Variants in ANKS1B observed in about 807,000 individuals in gnomAD.
ANKS1B encodes ankyrin repeat and sterile alpha motif domain containing 1B.
Under a neutral mutation model 148.3 loss-of-function variants are expected in ANKS1B, and 36 were observed. That is an observed-to-expected ratio of 0.24 (90% confidence interval 0.19 to 0.32). ANKS1B has a LOEUF of 0.32. Among genes scored for constraint, ANKS1B ranks in the 10% least tolerant of loss-of-function variants. ANKS1B has a pLI of 1.00. For missense variants in ANKS1B, 1,157 were observed against 1,542.6 expected, an observed-to-expected ratio of 0.75 and a Z score of 4.19; for synonymous variants, 542 against 560.8, an observed-to-expected ratio of 0.97 and a Z score of 0.47.
In ANKS1B at chr12:99,447,673, G is replaced by A. The variant is rs187850980; in HGVS notation, c.1439-3864C>T. ...TGAAGAGAGTGAAGAAACAATTTAT[G>A]AAATAGGAGAAAATATTTGTAAACA... is the stretch of plus-strand genomic sequence containing the variant. On this transcript the variant is annotated intron_variant, in intron 10 of 26. Transcript: ENST00000683438. Among the ~76,000 whole-genome samples, 1,168 of 152,120 alleles carry A rather than the reference G, an allele frequency of 7.7e-3. 10 individuals are homozygous for A. The highest frequency in any genetic ancestry group is 9.6e-3 in the Non-Finnish European group (654 of 67,946).
chr12:99,508,419 T>G (rs2096733218), intron 9 of ANKS1B, among the ~76,000 whole-genome samples: 1 of 151,790 alleles, frequency 6.6e-6, no homozygotes, highest in African/African-American at 2.4e-5. Flanking sequence ...CCCTGTAGAT[T>G]CTATAGAATC....
chr12:99,773,299 C>A (rs2063362096), intron 7 of ANKS1B, among the ~76,000 whole-genome samples: 1 of 151,998 alleles, frequency 6.6e-6, no homozygotes, highest in Non-Finnish European at 1.5e-5. Flanking sequence ...TATTTTTATT[C>A]TTTTTCAAAA....
intron 8 of ANKS1B, among the ~76,000 whole-genome samples, chr12:99,699,104 C>A (rs961721592): frequency 2.0e-5 from 3 of 152,144 alleles, no homozygotes; most frequent in African/African-American, 4.8e-5. Context: ...AGGCAGTGTG[C>A]CAGTGAGTCT....
At chr12:99,941,561 A>G (rs2094919867) in intron 1 of ANKS1B, among the ~76,000 whole-genome samples, 1 of 152,152 alleles carries the variant, frequency 6.6e-6, no homozygotes, top group Non-Finnish European at 1.5e-5. Context: ...CAACTACTAC[A>G]TATCTACCAG....
intron 16 of ANKS1B, among the ~76,000 whole-genome samples, chr12:99,082,798 A>G (rs1443265137): frequency 1.3e-5 from 2 of 152,156 alleles, no homozygotes; most frequent in African/African-American, 4.8e-5. Context: ...ATATGATAAT[A>G]TCTGAGTTGA....
intron 12 of ANKS1B, among the ~76,000 whole-genome samples, chr12:99,349,428 C>A (rs1409416956): frequency 1.3e-5 from 2 of 151,844 alleles, no homozygotes; most frequent in African/African-American, 4.8e-5. Context: ...ATACTGTCTA[C>A]ATGAGACTCA....
intron 15 of ANKS1B, among the ~76,000 whole-genome samples, chr12:99,085,702 T>C (rs1292139747): frequency 6.6e-6 from 1 of 152,200 alleles, no homozygotes; most frequent in Non-Finnish European, 1.5e-5. Flanking sequence ...AATGAGATCA[T>C]GTCATTTGCA....
chr12:98,829,060 G>A lies in ANKS1B; in HGVS notation c.3066+114C>T. On this transcript the variant is annotated intron_variant, in intron 19 of 26. Transcript: ENST00000683438. The surrounding 1 kb of genome is among the most constrained non-coding windows in gnomAD (Gnocchi z 5.2). The stretch of plus-strand genomic sequence containing the variant: ...GGAATGAAAGGCGGGGCATAACATG[G>A]TATAAATTCTAGTTAGGCACGGACA... 5 of 1,196,984 alleles carry A rather than the reference G, an allele frequency of 4.2e-6. No individual in the cohort carries two copies. Among genetic ancestry groups the A allele is most frequent in the Admixed American group, 2.0e-5 (1 of 49,546 alleles). The allele number at this position is 1,196,984 out of a possible 1,614,324, so 74.1% of individuals were successfully genotyped here. A position where few individuals can be genotyped will look rare whatever the true frequency, so the allele number is the denominator to read the frequency against.
intron 9 of ANKS1B, among the ~76,000 whole-genome samples, chr12:99,608,330 A>C (rs981255731): frequency 6.6e-6 from 1 of 152,010 alleles, no homozygotes; most frequent in Non-Finnish European, 1.5e-5. Context: ...CCTTTGACCA[A>C]CTTAGCCAAT....
At chr12:99,779,412 C>T (rs1055908263) in intron 6 of ANKS1B, among the ~76,000 whole-genome samples, 3 of 152,182 alleles carry the variant, frequency 2.0e-5, no homozygotes, top group Non-Finnish European at 4.4e-5. Flanking sequence ...CAAATCAAAT[C>T]TCTCAGAGCC....
intron 25 of ANKS1B, among the ~76,000 whole-genome samples, chr12:98,752,900 A>T (rs189667024): frequency 1.8e-4 from 27 of 152,280 alleles, no homozygotes; most frequent in African/African-American, 6.3e-4. Context: ...GATTCAGTGA[A>T]CATCTACGAA....
intron 4 of ANKS1B, among the ~76,000 whole-genome samples, chr12:99,788,357 T>C (rs2065226694): frequency 6.6e-6 from 1 of 152,176 alleles, no homozygotes; most frequent in African/African-American, 2.4e-5. Context: ...CATTTCTAGA[T>C]GTACCTTGGG....
intron 12 of ANKS1B, among the ~76,000 whole-genome samples, chr12:99,277,457 G>T (rs964545317): frequency 2.6e-5 from 4 of 152,160 alleles, no homozygotes; most frequent in African/African-American, 4.8e-5. Context: ...AAAAGGGTCT[G>T]TGAAAATTAA....
intron 15 of ANKS1B, among the ~76,000 whole-genome samples, chr12:99,130,094 A>T (rs909824211): frequency 6.6e-5 from 10 of 152,144 alleles, no homozygotes; most frequent in African/African-American, 1.9e-4. Flanking sequence ...GTCTAGTTTT[A>T]CCAATGCTAT....
chr12:99,931,499 T>C (rs2094614044), intron 1 of ANKS1B, among the ~76,000 whole-genome samples: 4 of 152,212 alleles, frequency 2.6e-5, no homozygotes, highest in Admixed American at 2.6e-4. Flanking sequence ...TTTTCTGCTA[T>C]ATAGAAGCAT....
intron 9 of ANKS1B, among the ~76,000 whole-genome samples, chr12:99,602,440 A>G (rs1413693730): frequency 6.6e-6 from 1 of 152,130 alleles, no homozygotes; most frequent in African/African-American, 2.4e-5. Flanking sequence ...AAAAGAAAAC[A>G]AAAGGTAATG....
At chr12:99,673,269 T>A (rs924726256) in intron 8 of ANKS1B, among the ~76,000 whole-genome samples, 1 of 152,114 alleles carries the variant, frequency 6.6e-6, no homozygotes, top group Non-Finnish European at 1.5e-5. Flanking sequence ...AATCTTTTAA[T>A]TCCAAGGAAA....
At chr12:99,205,381 C>G (rs1394779654) in intron 14 of ANKS1B, among the ~76,000 whole-genome samples, 2 of 152,216 alleles carry the variant, frequency 1.3e-5, no homozygotes, top group Non-Finnish European at 2.9e-5. Context: ...GAATGAGGTA[C>G]TGCCTGTCCA....
At chr12:98,850,021 G>T (rs1476867029) in intron 17 of ANKS1B, among the ~76,000 whole-genome samples, 1 of 152,154 alleles carries the variant, frequency 6.6e-6, no homozygotes, top group Non-Finnish European at 1.5e-5. Context: ...GAATAAATGG[G>T]CTTTGTCTGA....
Sources: allele counts gnomAD v4.1 joint callset (sites outside exome capture counted in the v4.1 genomes callset), GRCh38; gene constraint gnomAD v4.1.1; non-coding constraint Gnocchi (gnomAD v3.1); transcripts MANE v1.5; gene names NCBI Gene and HGNC (gene_info 2026-07-23, HGNC 2026-07-21).